The following DTD1 variants were observed in gnomAD, a reference collection of about 807,000 sequenced individuals.
DTD1 encodes D-tyrosyl-tRNA deacylase 1 homolog.
DTD1 carries 13 observed loss-of-function variants against 25.6 expected under a neutral mutation model. The ratio of observed to expected loss-of-function variants is 0.51; its 90% confidence interval spans 0.33 to 0.81. DTD1 has a LOEUF of 0.81. Among genes scored for constraint, DTD1 ranks in the 30% least tolerant of loss-of-function variants. DTD1 has a pLI of 0.02. For synonymous variants in DTD1, 110 were observed against 103.6 expected (o/e 1.06, Z -0.37); for missense variants, 193 against 266.4 (o/e 0.72, Z 1.92).
chr20:18,613,780 A>T (rs1471633860), intron 3 of DTD1, among the ~76,000 whole-genome samples: 1 of 152,048 alleles, frequency 6.6e-6, no homozygotes, highest in Non-Finnish European at 1.5e-5. Flanking sequence ...CTTGGGCATG[A>T]TTTTGTCTGA....
intron 4 of DTD1, chr20:18,692,009 G>A (rs1042797252): frequency 6.6e-5 from 10 of 152,076 alleles, no homozygotes; most frequent in Non-Finnish European, 1.3e-4. Context: ...AGACCAAAGA[G>A]GTTGTGCCTA....
intron 5 of DTD1, among the ~76,000 whole-genome samples, chr20:18,756,342 G>A (rs1028621821): frequency 1.3e-5 from 2 of 152,126 alleles, no homozygotes; most frequent in African/African-American, 2.4e-5. Context: ...TGAAGTCCTT[G>A]CCCATGCCTA....
At chr20:18,613,311 A>G (rs1317560553) in intron 3 of DTD1, among the ~76,000 whole-genome samples, 1 of 152,310 alleles carries the variant, frequency 6.6e-6, no homozygotes, top group East Asian at 1.9e-4. Flanking sequence ...GAAGAGAGAT[A>G]CTAAACTAGT....
chr20:18,721,121 C>T (rs1395558684), intron 4 of DTD1, among the ~76,000 whole-genome samples: 1 of 152,154 alleles, frequency 6.6e-6, no homozygotes, highest in East Asian at 1.9e-4. Flanking sequence ...AGTATAATGC[C>T]AACAGAAGTG....
At chr20:18,588,152 C>T in intron 1 of DTD1, 37 bp downstream of exon 1, 1 of 1,240,234 alleles carries the variant, frequency 8.1e-7, no homozygotes, top group Non-Finnish European at 1.0e-6. Context: ...AGGAGCCGCC[C>T]CTGACCCCCG....
chr20:18,688,730 C>T (rs182405114), intron 4 of DTD1, among the ~76,000 whole-genome samples: 1 of 151,964 alleles, frequency 6.6e-6, no homozygotes, highest in Non-Finnish European at 1.5e-5. Context: ...GGTTTTTTAG[C>T]TATGAAGCAT....
At chr20:18,760,948 C>G (rs553652945) in intron 5 of DTD1, among the ~76,000 whole-genome samples, 5 of 152,198 alleles carry the variant, frequency 3.3e-5, no homozygotes, top group Admixed American at 1.3e-4. Context: ...GCGCCCCTCC[C>G]CCAGCCTTGC....
At chr20:18,756,309 C>T (rs2061339248) in intron 5 of DTD1, among the ~76,000 whole-genome samples, 1 of 151,904 alleles carries the variant, frequency 6.6e-6, no homozygotes, top group Non-Finnish European at 1.5e-5. Flanking sequence ...CTTTTGTTGC[C>T]ATTGCTTTTG....
At chr20:18,707,988 C>T (rs769421993) in intron 4 of DTD1, among the ~76,000 whole-genome samples, 2 of 150,260 alleles carry the variant, frequency 1.3e-5, no homozygotes, top group African/African-American at 4.9e-5. Flanking sequence ...CATGAGTGGG[C>T]GGGGCTTTGG....
chr20:18,727,233 G>C (rs565121455), intron 4 of DTD1, among the ~76,000 whole-genome samples: 2 of 152,354 alleles, frequency 1.3e-5, no homozygotes, highest in East Asian at 3.9e-4. Flanking sequence ...CCGGGGGTGA[G>C]GTGTTGTTTA....
At chr20:18,727,890 C>T (rs938341803) in intron 4 of DTD1, among the ~76,000 whole-genome samples, 2 of 152,324 alleles carry the variant, frequency 1.3e-5, no homozygotes, top group East Asian at 3.9e-4. Flanking sequence ...ACTCACCCAC[C>T]TAGCGGTGGA....
At chr20:18,757,104 T>C (rs1465990005) in intron 5 of DTD1, among the ~76,000 whole-genome samples, 1 of 152,054 alleles carries the variant, frequency 6.6e-6, no homozygotes, top group Non-Finnish European at 1.5e-5. Context: ...TGCTTGTGAT[T>C]TTTGCACATT....
chr20:18,685,561 G>A (rs1203552500), intron 4 of DTD1, among the ~76,000 whole-genome samples: 1 of 152,166 alleles, frequency 6.6e-6, no homozygotes, highest in Admixed American at 6.5e-5. Context: ...AGCTTCAGTG[G>A]CTCCATGGCA....
chr20:18,618,059 T>C (rs992104404), intron 3 of DTD1, among the ~76,000 whole-genome samples: 2 of 152,222 alleles, frequency 1.3e-5, no homozygotes, highest in Admixed American at 6.5e-5. Context: ...TTTGTACATA[T>C]GCCACTTCAT....
intron 4 of DTD1, among the ~76,000 whole-genome samples, chr20:18,699,228 TGGC>T (rs578216383): frequency 5.0e-4 from 76 of 152,320 alleles, no homozygotes; most frequent in African/African-American, 1.6e-3. Context: ...AGGTAGGCCA[TGGC>T]AGAATGAAGC....
At chr20:18,708,323 T>A (rs1382687022) in intron 4 of DTD1, among the ~76,000 whole-genome samples, 1 of 42,456 alleles carries the variant, frequency 2.4e-5, no homozygotes, top group Non-Finnish European at 5.1e-5. Context: ...ATATATATTA[T>A]ATATATATAT....
At chr20:18,737,666 T>C (rs936382363) in intron 4 of DTD1, among the ~76,000 whole-genome samples, 1 of 152,204 alleles carries the variant, frequency 6.6e-6, no homozygotes, top group African/African-American at 2.4e-5. Flanking sequence ...GAGCCAACAC[T>C]AGGCTTGTGT....
intron 4 of DTD1, among the ~76,000 whole-genome samples, chr20:18,662,431 G>A (rs1277653632): frequency 6.6e-6 from 1 of 152,110 alleles, no homozygotes; most frequent in East Asian, 1.9e-4. Flanking sequence ...GGGGGTGGGG[G>A]GGAGAGTATT....
At chr20:18,668,782 A>G (rs1303330448) in intron 4 of DTD1, among the ~76,000 whole-genome samples, 1 of 152,218 alleles carries the variant, frequency 6.6e-6, no homozygotes, top group Non-Finnish European at 1.5e-5. Context: ...AGGAAACTAA[A>G]TAGCTTAACT....
Sources: gnomAD v4.1 joint callset for allele counts (sites outside exome capture counted in the v4.1 genomes callset) on GRCh38, gnomAD v4.1.1 for gene constraint, MANE v1.5 for transcripts, NCBI Gene and HGNC (gene_info 2026-07-23, HGNC 2026-07-21) for gene names.